The following NBPF8 variants were observed in gnomAD, a reference collection of about 807,000 sequenced individuals.
The protein encoded by NBPF8 is NBPF member 8, also known as NBPF family member NBPF8.
upstream of NBPF8, among the ~76,000 whole-genome samples, chr1:120,434,718 T>C (rs2101603654): frequency 6.8e-6 from 1 of 146,460 alleles, no homozygotes; most frequent in Admixed American, 6.9e-5. Flanking sequence ...TTTTAAAAAG[T>C]TAATATTAAC....
chr1:120,465,265 A>T (rs1661709959), exon 24 of NBPF8: 1 of 609,438 alleles, frequency 1.6e-6, no homozygotes, highest in Admixed American at 2.4e-5. Flanking sequence ...TATTGCAGAA[A>T]TTGAAAAGAA....
chr1:120,449,427 T>A lies in NBPF8; in HGVS notation n.1971+25T>A, dbSNP rs199953515. ...AGTAAGATCTACAGGCTCACCATCA[T>A]GAAAGTGATGAATGATATCCTGTCT... On this transcript the variant is annotated intron_variant and non_coding_transcript_variant, in intron 11 of 24. Coordinates refer to ENST00000583271, the Ensembl canonical transcript of NBPF8. 1.4e-5 allele frequency: 21 copies of A among 1,477,872 alleles called. No individual in the cohort carries two copies. The South Asian group carries it at 2.1e-4, about 15-fold the overall frequency. 91.5% of individuals were successfully genotyped at this position (1,477,872 alleles called of 1,614,324 possible). A position where few individuals can be genotyped will look rare whatever the true frequency, so the allele number is the denominator to read the frequency against.
chr1:120,462,251 A>T, intron 20 of NBPF8, 54 bp downstream of exon 18: 2 of 699,290 alleles, frequency 2.9e-6, no homozygotes, highest in South Asian at 2.9e-5. Context: ...TGGAGATGCC[A>T]GGTCCAGGGA....
Position 120,451,923 on chromosome 1 carries a change from C to G in NBPF8, n.2075-194C>G, listed in dbSNP as rs1364622300. Among the ~76,000 whole-genome samples the G allele has an allele frequency of 2.0e-5, 3 of 151,916 alleles. No individual in the cohort carries two copies. The East Asian group carries it at 5.8e-4, about 29-fold the overall frequency. The stretch of plus-strand genomic sequence containing the variant: ...AACATCATCGAGGATCTTGCAAGAG[C>G]TCTCTGTGATACAGAGGAAGCCTGT... On this transcript the variant is annotated intron_variant and non_coding_transcript_variant, in intron 12 of 24. Transcript: ENST00000583271.
chr1:120,424,722 A>G (rs1415732799), intron 1 of NBPF8, among the ~76,000 whole-genome samples: 1 of 146,592 alleles, frequency 6.8e-6, no homozygotes, highest in African/African-American at 2.5e-5. Flanking sequence ...TGCTAGGATT[A>G]CAGACACGAG....
exon 25 of NBPF8, chr1:120,465,998 A>T: frequency 6.2e-7 from 1 of 1,611,846 alleles, no homozygotes; most frequent in East Asian, 2.2e-5. Flanking sequence ...GTGCTGATGG[A>T]AGTGGAAGAG....
Position 120,465,414 on chromosome 1 carries a change from C to T in NBPF8, n.3568+43C>T. The T allele has an allele frequency of 3.6e-6, 2 of 549,772 alleles. 1 individual carries two copies. The highest frequency in any genetic ancestry group is 6.6e-6 in the Non-Finnish European group (2 of 301,552). 34.1% of individuals were successfully genotyped at this position (549,772 alleles called of 1,614,324 possible). Reference sequence around the variant, plus strand: ...TGGATGCTTAATTCTGTGTTAACACCTGGAGGCAACAGATTCAGGGAAACC... The same window carrying T: ...TGGATGCTTAATTCTGTGTTAACACTTGGAGGCAACAGATTCAGGGAAACC... On this transcript the variant is annotated intron_variant and non_coding_transcript_variant, in intron 24 of 24. Coordinates refer to ENST00000583271, the Ensembl canonical transcript of NBPF8.
At chr1:120,432,518 A>T (rs1216255773), upstream of NBPF8, 21 of 151,124 alleles carry the variant, frequency 1.4e-4, no homozygotes, top group Admixed American at 1.2e-3. Flanking sequence ...CAAACGTGGA[A>T]TGATAGAAAT....
chr1:120,468,552 C>A (rs1231879996), downstream of NBPF8, among the ~76,000 whole-genome samples: 1 of 150,900 alleles, frequency 6.6e-6, no homozygotes, highest in Admixed American at 6.6e-5. Flanking sequence ...TTTTGTTCTA[C>A]CAGGACCTCT....
chr1:120,418,459 C>T (rs1455650427), upstream of NBPF8, among the ~76,000 whole-genome samples: 3 of 139,762 alleles, frequency 2.1e-5, no homozygotes, highest in East Asian at 2.1e-4. Flanking sequence ...CTTTATGGAT[C>T]GTACCTAAAT....
chr1:120,469,463 T>C (rs1661853057), downstream of NBPF8, among the ~76,000 whole-genome samples: 1 of 140,802 alleles, frequency 7.1e-6, no homozygotes, highest in Non-Finnish European at 1.5e-5. Context: ...CCAAATGTCC[T>C]GGCACCCTGG....
rs1661227459 is a variant in NBPF8 at position 120,450,246 on chromosome 1, TAAATAA to T, written n.1971+851_1971+856del. ...TTAAAAATAATAATAATAATAATGA[TAAATAA>T]AAATAAGAATAAAAAGCAGAGAGTA... On this transcript the variant is annotated intron_variant and non_coding_transcript_variant, in intron 11 of 24. Coordinates refer to ENST00000583271, the Ensembl canonical transcript of NBPF8. Among the ~76,000 whole-genome samples, 15 of 151,610 alleles carry T rather than the reference TAAATAA, an allele frequency of 9.9e-5. No individual in the cohort carries two copies. In the South Asian group the frequency reaches 2.9e-3, roughly 30 times the overall value.
At chr1:120,431,753 A>C (rs1391113518), upstream of NBPF8, among the ~76,000 whole-genome samples, 3 of 151,808 alleles carry the variant, frequency 2.0e-5, no homozygotes, top group African/African-American at 7.3e-5. Flanking sequence ...TCAGATAGAC[A>C]GTCATTCCAT....
chr1:120,456,427 G>C lies in NBPF8; in HGVS notation n.2620+967G>C, dbSNP rs1197446888. On this transcript the variant is annotated intron_variant and non_coding_transcript_variant, in intron 16 of 24. Coordinates refer to ENST00000583271, the Ensembl canonical transcript of NBPF8. ...TCTCTTTGTAGGTCTCTCAGGACTT[G>C]CTTTATAAATCTGGGTGCTCCTGTA... 5.0e-5 allele frequency among the ~76,000 whole-genome samples: 7 copies of C among 141,064 alleles called. No individual in the cohort carries two copies. The South Asian group carries it at 1.1e-3, about 22-fold the overall frequency. The allele number at this position is 141,064 out of a possible 152,430, so 92.5% of individuals were successfully genotyped here. A position where few individuals can be genotyped will look rare whatever the true frequency, so the allele number is the denominator to read the frequency against.
upstream of NBPF8, chr1:120,433,234 C>A (rs1400545317): frequency 6.6e-6 from 1 of 152,016 alleles, no homozygotes; most frequent in African/African-American, 2.4e-5. Flanking sequence ...CTAGAATAAG[C>A]AAGTCGGTAT....
intron 22 of NBPF8, 140 bp from the exon 21 acceptor site, chr1:120,464,236 G>T (rs1406932565): frequency 1.2e-5 from 7 of 605,266 alleles, no homozygotes; most frequent in Non-Finnish European, 2.0e-5. Context: ...CCAACATGAA[G>T]GCAATAATTT....
exon 25 of NBPF8, chr1:120,466,329 G>A: frequency 6.1e-6 from 9 of 1,481,266 alleles, no homozygotes; most frequent in Non-Finnish European, 8.3e-6. Context: ...CATAGGATGG[G>A]TCAGTGGGCA....
At chr1:120,431,990 A>G (rs1250281848), upstream of NBPF8, among the ~76,000 whole-genome samples, 1 of 123,984 alleles carries the variant, frequency 8.1e-6, no homozygotes, top group Non-Finnish European at 1.7e-5. Context: ...CTTCTAAGCT[A>G]TATGTGTATG....
At chr1:120,468,595 CT>C (rs1171864876), downstream of NBPF8, among the ~76,000 whole-genome samples, 1 of 150,918 alleles carries the variant, frequency 6.6e-6, no homozygotes, top group Non-Finnish European at 1.5e-5. Flanking sequence ...CATTTGTTCT[CT>C]TCACCATGAG....
Sources: gnomAD v4.1 joint callset for allele counts (sites outside exome capture counted in the v4.1 genomes callset) on GRCh38, gnomAD v4.1.1 for gene constraint, MANE v1.5 for transcripts, NCBI Gene and HGNC (gene_info 2026-07-23, HGNC 2026-07-21) for gene names.